FAM117A: variants seen among roughly 807,000 people sequenced by gnomAD.
FAM117A encodes protein FAM117A.
Under a neutral mutation model 44.1 loss-of-function variants are expected in FAM117A, and 21 were observed. That is an observed-to-expected ratio of 0.48 (90% CI 0.34 to 0.69). The LOEUF (loss-of-function observed/expected upper bound fraction) is 0.69. FAM117A is among the 30% of genes least tolerant of loss of function. FAM117A has a pLI of 0.01. For synonymous variants in FAM117A, 220 were observed against 238.3 expected (o/e 0.92, Z 0.71); for missense variants, 498 against 589.9 (o/e 0.84, Z 1.61).
chr17:49,726,218 C>CT (rs979832263), intron 2 of FAM117A, among the ~76,000 whole-genome samples: 30 of 149,678 alleles, frequency 2.0e-4, no homozygotes, highest in South Asian at 4.2e-4. Context: ...ATCGAGTATT[C>CT]TTTTTTTTTT....
chr17:49,719,920 C>T, intron 4 of FAM117A, 26 bp from the exon 5 acceptor site: 3 of 1,592,976 alleles, frequency 1.9e-6, no homozygotes, highest in Non-Finnish European at 2.6e-6. Context: ...ATGACAAAAT[C>T]ACACACAGCC....
intron 2 of FAM117A, among the ~76,000 whole-genome samples, chr17:49,724,881 G>A (rs913621743): frequency 6.6e-6 from 1 of 151,358 alleles, no homozygotes; most frequent in South Asian, 2.1e-4. Context: ...AAAAGAAAGG[G>A]ATGTGAAAAT....
intron 2 of FAM117A, among the ~76,000 whole-genome samples, chr17:49,726,100 A>G (rs1047987557): frequency 4.6e-5 from 7 of 152,206 alleles, no homozygotes; most frequent in Admixed American, 2.6e-4. Flanking sequence ...CTGTGAAATA[A>G]TACATTTCTG....
intron 6 of FAM117A, among the ~76,000 whole-genome samples, chr17:49,716,565 A>G (rs1376169834): frequency 3.9e-5 from 6 of 152,236 alleles, no homozygotes; most frequent in South Asian, 2.1e-4. Context: ...TACCAATTCT[A>G]TATTCCCAGG....
intron 1 of FAM117A, among the ~76,000 whole-genome samples, chr17:49,747,491 C>T (rs1207051406): frequency 6.6e-6 from 1 of 152,170 alleles, no homozygotes; most frequent in Non-Finnish European, 1.5e-5. Flanking sequence ...ATTCAAGTTC[C>T]TCAGGGCTAG....
chr17:49,762,106 G>C (rs1267662624), intron 1 of FAM117A, among the ~76,000 whole-genome samples: 3 of 152,262 alleles, frequency 2.0e-5, no homozygotes, highest in Non-Finnish European at 4.4e-5. Context: ...CCAAACCTAC[G>C]TTCTTCCCCC....
At chr17:49,726,961 AGAGT>A (rs1413219903) in intron 2 of FAM117A, among the ~76,000 whole-genome samples, 1 of 151,770 alleles carries the variant, frequency 6.6e-6, no homozygotes, top group Non-Finnish European at 1.5e-5. Context: ...CCTGGGCAAT[AGAGT>A]GAGACCCTGT....
intron 1 of FAM117A, among the ~76,000 whole-genome samples, chr17:49,776,029 C>G (rs534758192): frequency 5.8e-4 from 89 of 152,242 alleles, no homozygotes; most frequent in Non-Finnish European, 3.1e-4. Flanking sequence ...GCACCACCCC[C>G]CTCCCTTCAT....
chr17:49,779,811 A>G (rs1462081407), intron 1 of FAM117A, among the ~76,000 whole-genome samples: 1 of 152,150 alleles, frequency 6.6e-6, no homozygotes, highest in African/African-American at 2.4e-5. Context: ...CAATTGTTGG[A>G]CTCAGCCTTT....
At chr17:49,734,130 G>A (rs779029404) in intron 1 of FAM117A, among the ~76,000 whole-genome samples, 64 of 145,230 alleles carry the variant, frequency 4.4e-4, no homozygotes, top group Non-Finnish European at 6.8e-4. Context: ...ACAACAGAGC[G>A]AGACTCTGTC....
chr17:49,750,653 T>C (rs1050532643), intron 1 of FAM117A, among the ~76,000 whole-genome samples: 1 of 152,112 alleles, frequency 6.6e-6, no homozygotes, highest in South Asian at 2.1e-4. Context: ...GGCAGGCACC[T>C]GTAATTCAGC....
At chr17:49,726,305 C>T (rs992875622) in intron 2 of FAM117A, among the ~76,000 whole-genome samples, 10 of 152,056 alleles carry the variant, frequency 6.6e-5, no homozygotes, top group African/African-American at 2.4e-4. Flanking sequence ...CTCCGCCTCA[C>T]GGGTTCAAGC....
At chr17:49,730,187 C>T (rs2073578566) in intron 2 of FAM117A, among the ~76,000 whole-genome samples, 1 of 152,242 alleles carries the variant, frequency 6.6e-6, no homozygotes, top group African/African-American at 2.4e-5. Context: ...TTCTCCACCT[C>T]CTGACTGCGG....
chr17:49,724,407 CAG>C (rs763099105), intron 2 of FAM117A: 6 of 456,184 alleles, frequency 1.3e-5, no homozygotes, highest in Non-Finnish European at 2.6e-5. Flanking sequence ...TGGGTGGTAA[CAG>C]AGAGGAAAAA....
Position 49,717,719 on chromosome 17 carries a change from C to T in FAM117A, c.709-5G>A, listed in dbSNP as rs368778142. 27 of 1,591,160 alleles carry T rather than the reference C, an allele frequency of 1.7e-5. No individual in the cohort carries two copies. The highest frequency in any genetic ancestry group is 1.0e-4 in the South Asian group (9 of 88,254). On this transcript the variant is annotated splice_polypyrimidine_tract_variant and splice_region_variant and intron_variant, in intron 5 of 7. Transcript: ENST00000240364. ...CCCATCAGGGATATCAAGGATCTAA[C>T]GGGGAAGGACGGTAAAGACTGTCAG... is the stretch of plus-strand genomic sequence containing the variant.
chr17:49,757,543 AC>A (rs1199081469), intron 1 of FAM117A, among the ~76,000 whole-genome samples: 2 of 152,184 alleles, frequency 1.3e-5, no homozygotes. Flanking sequence ...GGTGGGGACC[AC>A]AAGCTGAGCC....
chr17:49,775,052 G>A (rs548030976), intron 1 of FAM117A, among the ~76,000 whole-genome samples: 45 of 152,144 alleles, frequency 3.0e-4, no homozygotes, highest in Admixed American at 2.6e-3. Context: ...GCAGTGGCGC[G>A]ATCTCAGCTC....
chr17:49,757,160 C>G (rs959105238), intron 1 of FAM117A, among the ~76,000 whole-genome samples: 3 of 151,876 alleles, frequency 2.0e-5, no homozygotes, highest in African/African-American at 7.3e-5. Context: ...AATGTGTAGG[C>G]AGAGCTGAGC....
At chr17:49,713,173 C>T (rs1321373443) in intron 7 of FAM117A, among the ~76,000 whole-genome samples, 1 of 152,164 alleles carries the variant, frequency 6.6e-6, no homozygotes, top group East Asian at 1.9e-4. Flanking sequence ...CAGGCATGAG[C>T]CACCGCACCC....
Sources: allele counts gnomAD v4.1 joint callset (sites outside exome capture counted in the v4.1 genomes callset), GRCh38; gene constraint gnomAD v4.1.1; transcripts MANE v1.5; gene names NCBI Gene and HGNC (gene_info 2026-07-23, HGNC 2026-07-21).